CYP1A2: variants seen among roughly 807,000 people sequenced by gnomAD.
CYP1A2 encodes cytochrome P450 1A2.
A neutral mutation model predicts 34.7 loss-of-function variants in CYP1A2; 35 were observed. The ratio of observed to expected loss-of-function variants is 1.01; its 90% CI spans 0.77 to 1.34. CYP1A2 has a LOEUF of 1.34. CYP1A2 is among the 40% of genes most tolerant of loss of function. The probability of loss-of-function intolerance (pLI) is 0.00; values close to 1 mark genes in which losing one functional copy is unlikely to be tolerated. For synonymous variants in CYP1A2, 288 were observed against 281.9 expected (o/e 1.02, Z -0.22); for missense variants, 675 against 675.8 (o/e 1.00, Z 0.01).
chr15:74,749,800 T>G lies in CYP1A2; in HGVS notation c.62T>G (p.Phe21Cys). ...ATELLLASAI[F>C]CLVFWVLKGL... ...GAGCTTCTCCTGGCCTCTGCCATCT[T>G]CTGCCTGGTATTCTGGGTGCTCAAG... The change falls in exon 2 of 7, where the codon TTC (phenylalanine) becomes TGC (cysteine). Residue 21 changes from phenylalanine (F) to cysteine (C), a missense_variant. By Grantham distance (205) the Phe-to-Cys change is radical (BLOSUM62 -2). Coordinates refer to ENST00000343932, the MANE Select transcript of CYP1A2 (RefSeq NM_000761.5). 6.3e-7 allele frequency: 1 copy of G among 1,583,822 alleles called. No individual in the cohort carries two copies. Among genetic ancestry groups the G allele is most frequent in the Non-Finnish European group, 8.6e-7 (1 of 1,161,678 alleles).
intron 1 of CYP1A2, among the ~76,000 whole-genome samples, 159 bp from the exon 2 acceptor site, chr15:74,749,571 T>C (rs1377860448): frequency 6.6e-6 from 1 of 152,184 alleles, no homozygotes. Context: ...GTGAGCTCTG[T>C]GGGCCCAGGA....
At chr15:74,751,342 A>G in intron 3 of CYP1A2, 33 bp downstream of exon 3, 2 of 1,612,282 alleles carry the variant, frequency 1.2e-6, no homozygotes, top group Middle Eastern at 1.7e-4. Flanking sequence ...TCCATCCAAC[A>G]ATGCCTGCTG....
At chr15:74,750,951 T>C (rs1336480146) in intron 2 of CYP1A2, among the ~76,000 whole-genome samples, 1 of 152,164 alleles carries the variant, frequency 6.6e-6, no homozygotes, top group East Asian at 1.9e-4. Flanking sequence ...CTTTTCCTTC[T>C]TTGAAATTGG....
At chr15:74,754,592 A>G (rs2063329665) in intron 6 of CYP1A2, among the ~76,000 whole-genome samples, 199 bp from the exon 7 acceptor site, 1 of 150,138 alleles carries the variant, frequency 6.7e-6, no homozygotes. Context: ...TAGGAGCCGG[A>G]GGGTGTCTCA....
intron 3 of CYP1A2, 132 bp downstream of exon 3, chr15:74,751,441 G>A: frequency 7.2e-7 from 1 of 1,388,342 alleles, no homozygotes; most frequent in Non-Finnish European, 9.8e-7. Flanking sequence ...ATCTGGCTTG[G>A]GATCAGGGTT....
chr15:74,750,784 G>C (rs2141737525), intron 2 of CYP1A2, among the ~76,000 whole-genome samples: 1 of 152,232 alleles, frequency 6.6e-6, no homozygotes, highest in South Asian at 2.1e-4. Flanking sequence ...GCTCCTCAAA[G>C]CCCCCAAGAA....
intron 4 of CYP1A2, 44 bp from the exon 5 acceptor site, chr15:74,752,080 G>C: frequency 2.5e-6 from 4 of 1,610,770 alleles, no homozygotes; most frequent in Non-Finnish European, 3.4e-6. Flanking sequence ...TCATGGGGCA[G>C]TTAGGGCAGC....
intron 6 of CYP1A2, 54 bp from the exon 7 acceptor site, chr15:74,754,737 T>C: frequency 1.3e-6 from 2 of 1,563,786 alleles, no homozygotes; most frequent in Non-Finnish European, 1.7e-6. Context: ...CCCAGGCACC[T>C]CCTCCCAGGG....
chr15:74,749,678 A>G (rs41279194), intron 1 of CYP1A2, 52 bp from the exon 2 acceptor site: 13 of 1,377,512 alleles, frequency 9.4e-6, no homozygotes, highest in Non-Finnish European at 1.3e-5. Flanking sequence ...AAATGAATGA[A>G]TGAATGTCTC....
chr15:74,752,202 A>T lies in CYP1A2; in HGVS notation c.1121A>T (p.Glu374Val), dbSNP rs764887010. Residue 374 changes from glutamate to valine, a missense_variant, in exon 5 of 7, where the codon GAG becomes GTG. Glu to Val is a moderately radical substitution (Grantham distance 121, BLOSUM62 -2). Coordinates refer to ENST00000343932, the MANE Select transcript of CYP1A2 (RefSeq NM_000761.5). Reference protein sequence around the residue: ...QLPYLEAFILETFRHSSFLPF... With the variant: ...QLPYLEAFILVTFRHSSFLPF... ...CCCTACTTGGAGGCCTTCATCCTGG[A>T]GACCTTCCGACACTCCTCCTTCTTG... 2 of 1,613,962 alleles carry T rather than the reference A, an allele frequency of 1.2e-6. No individual in the cohort carries two copies. Among genetic ancestry groups the T allele is most frequent in the Non-Finnish European group, 1.7e-6 (2 of 1,179,952 alleles).
At position 74,749,946 on chromosome 15, in the gene CYP1A2, C is replaced by G. The variant is rs754113457; in HGVS notation, c.208C>G (p.Gln70Glu). 1 of 1,613,456 alleles carries G rather than the reference C, an allele frequency of 6.2e-7. No homozygotes were observed. The highest frequency in any genetic ancestry group is 8.5e-7 in the Non-Finnish European group (1 of 1,179,500). ...NPHLALSRMS[Q>E]RYGDVLQIRI... ...GCACCTGGCACTGTCAAGGATGAGC[C>G]AGCGCTACGGGGACGTCCTGCAGAT... Residue 70 changes from glutamine to glutamate, a missense_variant, in exon 2 of 7, where the codon CAG (glutamine) becomes GAG (glutamate). By Grantham distance (29) the Gln-to-Glu change is conservative. Transcript: ENST00000343932.
Position 74,756,494 on chromosome 15 carries a change from C to G in CYP1A2, c.*1406C>G, listed in dbSNP as rs1489101414. Among the ~76,000 whole-genome samples the G allele has an allele frequency of 6.6e-6, 1 of 152,148 alleles. No individual in the cohort carries two copies. Among genetic ancestry groups the G allele is most frequent in the Non-Finnish European group, 1.5e-5 (1 of 68,024 alleles). On this transcript the variant is annotated 3_prime_UTR_variant, in exon 7 of 7. Transcript: ENST00000343932. ...CATTAGCAGTCCCTCCACATTTCCC[C>G]CTAGCCTGCCTCCCCTGCCTCACCA...
chr15:74,752,010 C>G, intron 4 of CYP1A2, 114 bp from the exon 5 acceptor site: 1 of 1,550,222 alleles, frequency 6.5e-7, no homozygotes, highest in Non-Finnish European at 8.8e-7. Context: ...TTAGTGGGGT[C>G]GCAGACTTGT....
In CYP1A2 at chr15:74,750,144, C is replaced by G; in HGVS notation, c.406C>G (p.Arg136Gly). 6.2e-7 allele frequency: 1 copy of G among 1,614,080 alleles called. No homozygotes were observed. The highest frequency in any genetic ancestry group is 8.5e-7 in the Non-Finnish European group (1 of 1,180,034). Reference sequence around the variant, plus strand: ...AGACTCTGGACCGGTGTGGGCTGCCCGCCGGCGCCTGGCCCAGAATGCCCT... The same window carrying G: ...AGACTCTGGACCGGTGTGGGCTGCCGGCCGGCGCCTGGCCCAGAATGCCCT... The part of the protein sequence containing the change: ...STDSGPVWAA[R>G]RRLAQNALNT... Residue 136 changes from arginine (R) to glycine (G), a missense_variant, in exon 2 of 7, where the codon CGC becomes GGC. By Grantham distance (125) the Arg-to-Gly change is moderately radical. Transcript: ENST00000343932.
chr15:74,749,241 A>G (rs1257343196), intron 1 of CYP1A2, among the ~76,000 whole-genome samples: 6 of 152,172 alleles, frequency 3.9e-5, no homozygotes, highest in African/African-American at 7.2e-5. Flanking sequence ...AGGGGGCATC[A>G]CAGGCTATTT....
rs547136051 is a variant in CYP1A2, at chr15:74,753,290, G to A, written c.1253+20G>A. ...TGACCCGTGAGTACATACCCCTCAC[G>A]AAAAAATGTGTGCAGGTTCAGCAGT... is the stretch of plus-strand genomic sequence containing the variant. On this transcript the variant is annotated intron_variant, in intron 6 of 6. Transcript: ENST00000343932. 18 of 1,596,888 alleles carry A rather than the reference G, an allele frequency of 1.1e-5. No homozygotes were observed. Among genetic ancestry groups the A allele is most frequent in the East Asian group, 1.1e-4 (5 of 44,752 alleles).
At chr15:74,753,374 A>G (rs754125432) in intron 6 of CYP1A2, 104 bp downstream of exon 6, 4 of 877,160 alleles carry the variant, frequency 4.6e-6, no homozygotes, top group Non-Finnish European at 7.3e-6. Context: ...GGGGACCTCA[A>G]TTGCTATAGT....
chr15:74,750,147 C>T lies in CYP1A2; in HGVS notation c.409C>T (p.Arg137Trp), dbSNP rs758124536. 17 of 1,613,952 alleles carry T rather than the reference C, an allele frequency of 1.1e-5. No individual in the cohort carries two copies. The East Asian group carries it at 1.1e-4, about 11-fold the overall frequency. The change falls in exon 2 of 7, where the codon CGG becomes TGG. Residue 137 changes from arginine (R) to tryptophan (W), a missense_variant. Coordinates refer to ENST00000343932, the MANE Select transcript of CYP1A2 (RefSeq NM_000761.5). The part of the protein sequence containing the change: ...TDSGPVWAAR[R>W]RLAQNALNTF... ...CTCTGGACCGGTGTGGGCTGCCCGC[C>T]GGCGCCTGGCCCAGAATGCCCTCAA...
At position 74,753,230 on chromosome 15, in the gene CYP1A2, T is replaced by G; in HGVS notation, c.1213T>G (p.Cys405Gly). ...TLNGFYIPKK[C>G]CVFVNQWQVN... Reference sequence around the variant, plus strand: ...GAATGGCTTCTACATCCCCAAGAAATGCTGTGTCTTCGTAAACCAGTGGCA... The same window carrying G: ...GAATGGCTTCTACATCCCCAAGAAAGGCTGTGTCTTCGTAAACCAGTGGCA... The change falls in exon 6 of 7, where the codon TGC (cysteine) becomes GGC (glycine). Residue 405 changes from cysteine (C) to glycine (G), a missense_variant. Cys to Gly is a radical substitution (Grantham distance 159). Transcript: ENST00000343932. 1 of 1,613,832 alleles carries G rather than the reference T, an allele frequency of 6.2e-7. No homozygotes were observed.
Sources: gnomAD v4.1 joint callset for allele counts (sites outside exome capture counted in the v4.1 genomes callset) on GRCh38, gnomAD v4.1.1 for gene constraint, MANE v1.5 for transcripts, NCBI Gene and HGNC (gene_info 2026-07-23, HGNC 2026-07-21) for gene names.